FCHSD2: variants seen among roughly 807,000 people sequenced by gnomAD.
FCHSD2 encodes FCH and double SH3 domains 2.
Under a neutral mutation model 108.1 loss-of-function variants are expected in FCHSD2, and 38 were observed. The observed-to-expected ratio is 0.35, with a 90% CI of 0.27 to 0.46. The LOEUF (loss-of-function observed/expected upper bound fraction) is 0.46. Ranked by LOEUF, FCHSD2 falls within the 20% of genes least tolerant of loss-of-function variation. The probability of loss-of-function intolerance (pLI) is 1.00; values close to 1 mark genes in which losing one functional copy is unlikely to be tolerated. For synonymous variants in FCHSD2, 279 were observed against 314.7 expected (o/e 0.89, Z 1.20); for missense variants, 751 against 897.8 (o/e 0.84, Z 2.09).
chr11:72,909,791 C>A (rs1375507466), intron 9 of FCHSD2, among the ~76,000 whole-genome samples: 1 of 151,010 alleles, frequency 6.6e-6, no homozygotes, highest in Non-Finnish European at 1.5e-5. Flanking sequence ...AGGAGCACCT[C>A]TGCCCGGCCG....
At chr11:72,884,128 T>A in intron 12 of FCHSD2, among the ~76,000 whole-genome samples, 1 of 152,084 alleles carries the variant, frequency 6.6e-6, no homozygotes, top group East Asian at 1.9e-4. Flanking sequence ...GACAACTTGA[T>A]ATTATGATTC....
chr11:73,083,105 AAAG>A (rs1310306713), intron 3 of FCHSD2, among the ~76,000 whole-genome samples: 2 of 152,244 alleles, frequency 1.3e-5, no homozygotes, highest in African/African-American at 2.4e-5. Flanking sequence ...TGGGGCATAT[AAAG>A]AAGAATAAAT....
At chr11:72,874,763 C>T (rs1348933315) in intron 12 of FCHSD2, among the ~76,000 whole-genome samples, 1 of 152,148 alleles carries the variant, frequency 6.6e-6, no homozygotes, top group Non-Finnish European at 1.5e-5. Context: ...CTGCTATCTT[C>T]CCTTTAGGAT....
intron 2 of FCHSD2, among the ~76,000 whole-genome samples, chr11:73,087,049 A>G (rs774004884): frequency 6.6e-6 from 1 of 152,206 alleles, no homozygotes; most frequent in Non-Finnish European, 1.5e-5. Context: ...ATACCAGAAA[A>G]AGGCATTGTA....
chr11:72,900,439 G>C (rs1855504143), intron 10 of FCHSD2: 4 of 697,524 alleles, frequency 5.7e-6, no homozygotes, highest in Admixed American at 2.5e-5. Flanking sequence ...AGAAACAAAA[G>C]ATTTAGGGCT....
intron 2 of FCHSD2, among the ~76,000 whole-genome samples, chr11:73,139,379 T>G (rs1403406456): frequency 1.3e-5 from 2 of 152,218 alleles, no homozygotes; most frequent in Non-Finnish European, 2.9e-5. Context: ...TGTTGAACTG[T>G]CAGTCTGTAT....
chr11:73,086,116 T>C (rs376985315), intron 2 of FCHSD2, among the ~76,000 whole-genome samples: 1 of 152,206 alleles, frequency 6.6e-6, no homozygotes, highest in Non-Finnish European at 1.5e-5. Context: ...TACATTATTT[T>C]ACAAGATGAG....
At chr11:73,032,720 T>A (rs1033837614) in intron 3 of FCHSD2, among the ~76,000 whole-genome samples, 2 of 151,626 alleles carry the variant, frequency 1.3e-5, no homozygotes, top group African/African-American at 4.9e-5. Flanking sequence ...AAATGAAAAT[T>A]GACATCTAAA....
At chr11:73,067,447 C>T (rs1397207137) in intron 3 of FCHSD2, among the ~76,000 whole-genome samples, 1 of 151,700 alleles carries the variant, frequency 6.6e-6, no homozygotes, top group Non-Finnish European at 1.5e-5. Context: ...ACTGCGCGTT[C>T]TGCACATGTA....
chr11:72,931,978 T>C (rs1230834642), intron 8 of FCHSD2, among the ~76,000 whole-genome samples: 1 of 152,248 alleles, frequency 6.6e-6, no homozygotes, highest in African/African-American at 2.4e-5. Flanking sequence ...TTCCCTCCTC[T>C]GACTTTCTAA....
At chr11:72,972,928 T>C (rs1231862613) in intron 8 of FCHSD2, among the ~76,000 whole-genome samples, 4 of 152,226 alleles carry the variant, frequency 2.6e-5, no homozygotes, top group Non-Finnish European at 5.9e-5. Flanking sequence ...GGCACTCTTT[T>C]GTACAGCTTC....
chr11:72,990,714 T>C (rs1857394976), intron 5 of FCHSD2, among the ~76,000 whole-genome samples: 1 of 152,148 alleles, frequency 6.6e-6, no homozygotes, highest in Non-Finnish European at 1.5e-5. Context: ...AAGCAGTGTG[T>C]ACAGGGAAAT....
intron 14 of FCHSD2, among the ~76,000 whole-genome samples, chr11:72,848,291 A>G (rs910305468): frequency 3.3e-5 from 5 of 152,030 alleles, no homozygotes; most frequent in African/African-American, 7.3e-5. Context: ...CCACTCCTAC[A>G]CCACTGAATT....
At chr11:73,136,801 G>A (rs555771851) in intron 2 of FCHSD2, among the ~76,000 whole-genome samples, 6 of 152,180 alleles carry the variant, frequency 3.9e-5, no homozygotes, top group Admixed American at 6.5e-5. Context: ...AGGCCGAGGC[G>A]GGTGGATCAC....
intron 8 of FCHSD2, among the ~76,000 whole-genome samples, chr11:72,925,910 C>T (rs1856066024): frequency 6.6e-6 from 1 of 152,196 alleles, no homozygotes; most frequent in Non-Finnish European, 1.5e-5. Context: ...AGGCAGGAGC[C>T]CCACCCTCCT....
chr11:72,950,419 T>C (rs908859113), intron 8 of FCHSD2, among the ~76,000 whole-genome samples: 2 of 152,168 alleles, frequency 1.3e-5, no homozygotes, highest in South Asian at 2.1e-4. Context: ...TAAGTTAACA[T>C]AGACTTGCAT....
chr11:72,897,032 T>C (rs935998107), intron 10 of FCHSD2, among the ~76,000 whole-genome samples: 2 of 151,946 alleles, frequency 1.3e-5, no homozygotes, highest in Non-Finnish European at 1.5e-5. Flanking sequence ...TTCACCATGT[T>C]AGCCAGGATG....
chr11:73,015,205 C>T (rs2135432526), intron 4 of FCHSD2, among the ~76,000 whole-genome samples: 1 of 152,332 alleles, frequency 6.6e-6, no homozygotes, highest in Admixed American at 6.5e-5. Context: ...ACTGAGGACA[C>T]AATCTGTATT....
intron 2 of FCHSD2, among the ~76,000 whole-genome samples, chr11:73,111,538 T>C: frequency 6.6e-6 from 1 of 152,032 alleles, no homozygotes; most frequent in Admixed American, 6.6e-5. Context: ...CACTGGATCT[T>C]GTTTTTTTCA....
Sources: gnomAD v4.1 joint callset for allele counts (sites outside exome capture counted in the v4.1 genomes callset) on GRCh38, gnomAD v4.1.1 for gene constraint, MANE v1.5 for transcripts, NCBI Gene and HGNC (gene_info 2026-07-23, HGNC 2026-07-21) for gene names.